The following PTPRD variants were observed in gnomAD, a reference collection of about 807,000 sequenced individuals.
PTPRD encodes protein tyrosine phosphatase receptor type D.
Under a neutral mutation model 214.5 loss-of-function variants are expected in PTPRD, and 34 were observed. The ratio of observed to expected loss-of-function variants is 0.16; its 90% CI spans 0.12 to 0.21. The LOEUF is 0.21. PTPRD is among the 10% of genes least tolerant of loss of function. PTPRD has a pLI of 1.00. For missense variants in PTPRD, 2,545 were observed against 2,398.7 expected (o/e 1.06, Z -1.27); for synonymous variants, 1,128 against 845.7 (o/e 1.33, Z -5.79).
intron 14 of PTPRD, among the ~76,000 whole-genome samples, chr9:8,529,941 T>G (rs1234635487): frequency 6.6e-6 from 1 of 152,132 alleles, no homozygotes; most frequent in Non-Finnish European, 1.5e-5. Context: ...CTGGCATTGA[T>G]TTAATCAATA....
intron 2 of PTPRD, among the ~76,000 whole-genome samples, chr9:10,417,929 G>C (rs1364182016): frequency 6.6e-6 from 1 of 150,444 alleles, no homozygotes; most frequent in East Asian, 2.0e-4. Flanking sequence ...TTTTTTTTAA[G>C]TTTTAAAACA....
intron 3 of PTPRD, among the ~76,000 whole-genome samples, chr9:10,238,566 G>A (rs937856258): frequency 4.6e-5 from 7 of 151,738 alleles, no homozygotes; most frequent in African/African-American, 1.5e-4. Flanking sequence ...ATATTTTGAT[G>A]TTGACTTTAG....
intron 11 of PTPRD, among the ~76,000 whole-genome samples, chr9:8,980,344 G>A (rs892512340): frequency 2.0e-5 from 3 of 151,884 alleles, no homozygotes; most frequent in African/African-American, 7.3e-5. Context: ...TAATAAAATT[G>A]TATTATATTA....
chr9:8,800,494 A>G (rs1172888499), intron 11 of PTPRD, among the ~76,000 whole-genome samples: 1 of 152,160 alleles, frequency 6.6e-6, no homozygotes. Context: ...CACCAAAACC[A>G]AGATGGCCAC....
intron 33 of PTPRD, among the ~76,000 whole-genome samples, chr9:8,459,985 A>G (rs1391465540): frequency 6.6e-6 from 1 of 152,108 alleles, no homozygotes; most frequent in African/African-American, 2.4e-5. Context: ...ACTTGCGCAA[A>G]TTAGAATTAT....
intron 2 of PTPRD, among the ~76,000 whole-genome samples, chr9:10,598,044 A>C (rs1591714826): frequency 6.6e-6 from 1 of 151,784 alleles, no homozygotes; most frequent in Non-Finnish European, 1.5e-5. Context: ...AGCAGGACTC[A>C]CTGGAAACTG....
chr9:9,142,002 C>T (rs190315438), intron 10 of PTPRD, among the ~76,000 whole-genome samples: 2 of 152,316 alleles, frequency 1.3e-5, no homozygotes, highest in African/African-American at 4.8e-5. Flanking sequence ...CATATTCATC[C>T]TTATAGCGAT....
At chr9:10,492,578 A>ATTTTGT (rs1200724045) in intron 2 of PTPRD, among the ~76,000 whole-genome samples, 2 of 151,826 alleles carry the variant, frequency 1.3e-5, no homozygotes, top group Admixed American at 1.3e-4. Context: ...TTTTCTTGTA[A>ATTTTGT]ATTTGTTTAC....
At chr9:10,497,784 ATGTT>A (rs1205981203) in intron 2 of PTPRD, among the ~76,000 whole-genome samples, 1 of 152,002 alleles carries the variant, frequency 6.6e-6, no homozygotes, top group African/African-American at 2.4e-5. Flanking sequence ...ATTTGCTATT[ATGTT>A]TATCTTCTAC....
intron 2 of PTPRD, among the ~76,000 whole-genome samples, chr9:10,572,221 G>T (rs1354267873): frequency 1.3e-5 from 2 of 152,098 alleles, no homozygotes; most frequent in African/African-American, 2.4e-5. Flanking sequence ...AGGCTTAGGG[G>T]CTATATAGGG....
intron 13 of PTPRD, among the ~76,000 whole-genome samples, 197 bp downstream of exon 13, chr9:8,636,502 A>G (rs1172076427): frequency 1.3e-5 from 2 of 152,178 alleles, no homozygotes; most frequent in African/African-American, 4.8e-5. Flanking sequence ...ACAAGTAGAA[A>G]CAAAAATCAG....
At chr9:9,177,363 G>A (rs971488105) in intron 10 of PTPRD, among the ~76,000 whole-genome samples, 8 of 152,174 alleles carry the variant, frequency 5.3e-5, no homozygotes, top group Admixed American at 3.3e-4. Flanking sequence ...TTCCAGATGA[G>A]ATTTGGGTGG....
At chr9:9,250,252 G>A (rs2099974916) in intron 9 of PTPRD, among the ~76,000 whole-genome samples, 2 of 152,178 alleles carry the variant, frequency 1.3e-5, no homozygotes, top group African/African-American at 4.8e-5. Context: ...CTGAATGGAT[G>A]TTTTCACCTA....
intron 6 of PTPRD, among the ~76,000 whole-genome samples, chr9:9,764,420 C>T (rs368998335): frequency 3.9e-4 from 59 of 152,040 alleles, no homozygotes; most frequent in African/African-American, 1.4e-3. Flanking sequence ...TCGCAAAAAC[C>T]GTTGCCCCCA....
chr9:9,612,357 C>A (rs1326811305), intron 7 of PTPRD, among the ~76,000 whole-genome samples: 1 of 152,126 alleles, frequency 6.6e-6, no homozygotes, highest in African/African-American at 2.4e-5. Context: ...CGACACAAAT[C>A]TGGTTGCTGC....
chr9:10,337,606 C>T (rs2096866352), intron 3 of PTPRD, among the ~76,000 whole-genome samples: 1 of 151,594 alleles, frequency 6.6e-6, no homozygotes, highest in Non-Finnish European at 1.5e-5. Context: ...TTTAAAAAAA[C>T]CAACAGTTTT....
At chr9:10,460,025 T>C (rs1440478067) in intron 2 of PTPRD, among the ~76,000 whole-genome samples, 1 of 152,128 alleles carries the variant, frequency 6.6e-6, no homozygotes, top group African/African-American at 2.4e-5. Context: ...CATAATGTTG[T>C]GTAGTCAGAG....
intron 11 of PTPRD, among the ~76,000 whole-genome samples, chr9:8,943,833 G>T (rs1200171884): frequency 6.6e-6 from 1 of 151,438 alleles, no homozygotes; most frequent in Non-Finnish European, 1.5e-5. Context: ...CAAAGACATT[G>T]GACTGAGTAA....
chr9:8,910,341 T>C (rs1017393523), intron 11 of PTPRD, among the ~76,000 whole-genome samples: 2 of 152,078 alleles, frequency 1.3e-5, no homozygotes, highest in Non-Finnish European at 2.9e-5. Context: ...CTGGCCTTTA[T>C]GTAGAAATTT....
Sources: gnomAD v4.1 joint callset for allele counts (sites outside exome capture counted in the v4.1 genomes callset) on GRCh38, gnomAD v4.1.1 for gene constraint, MANE v1.5 for transcripts, NCBI Gene and HGNC (gene_info 2026-07-23, HGNC 2026-07-21) for gene names.